SV2C: variants seen among roughly 807,000 people sequenced by gnomAD.
SV2C encodes the protein synaptic vesicle glycoprotein 2C.
SV2C carries 49 observed loss-of-function variants against 79.7 expected under a neutral mutation model. That is an observed-to-expected ratio of 0.61 (90% confidence interval 0.49 to 0.78). SV2C has a LOEUF of 0.78. Ranked by LOEUF, SV2C falls within the 30% of genes least tolerant of loss-of-function variation. The pLI, the probability that SV2C is intolerant of heterozygous loss-of-function variation, is 0.00. For missense variants in SV2C, 833 were observed against 912.9 expected (o/e 0.91, Z 1.13); for synonymous variants, 334 against 333.2 (o/e 1.00, Z -0.03).
intron 4 of SV2C, among the ~76,000 whole-genome samples, chr5:76,240,775 C>A (rs1489637021): frequency 6.6e-6 from 1 of 152,190 alleles, no homozygotes; most frequent in African/African-American, 2.4e-5. Context: ...AACTAAGACA[C>A]CACCTCAAAA....
chr5:76,178,234 T>C (rs1580333127), intron 2 of SV2C, among the ~76,000 whole-genome samples: 1 of 152,346 alleles, frequency 6.6e-6, no homozygotes, highest in East Asian at 1.9e-4. Context: ...CATACACTAT[T>C]CATTCAAGCA....
chr5:76,109,108 G>A (rs1748017740), intron 1 of SV2C, among the ~76,000 whole-genome samples: 2 of 152,206 alleles, frequency 1.3e-5, no homozygotes, highest in African/African-American at 4.8e-5. Context: ...TAATTTCCAA[G>A]CCTTAACTGC....
At chr5:75,858,088 C>G in the SV2C span, among the ~76,000 whole-genome samples, 2 of 152,056 alleles carry the variant, frequency 1.3e-5, no homozygotes, top group African/African-American at 2.4e-5. Context: ...ACGTGGATAC[C>G]CTTTATTTCT....
At chr5:75,957,819 T>G in the SV2C span, among the ~76,000 whole-genome samples, 2 of 152,022 alleles carry the variant, frequency 1.3e-5, no homozygotes, top group African/African-American at 4.8e-5. Context: ...CCCAGCCATC[T>G]CCTCTTAAGT....
chr5:76,011,750 T>C, the SV2C span, among the ~76,000 whole-genome samples: 1 of 152,136 alleles, frequency 6.6e-6, no homozygotes, highest in African/African-American at 2.4e-5. Flanking sequence ...CCTAATGCTA[T>C]CCCTGTCCTA....
intron 2 of SV2C, among the ~76,000 whole-genome samples, chr5:76,147,754 A>G (rs548781729): frequency 6.6e-6 from 1 of 152,196 alleles, no homozygotes; most frequent in South Asian, 2.1e-4. Context: ...AACTTTTTTG[A>G]CAAGATATTT....
chr5:76,241,839 C>A (rs1745794212), intron 4 of SV2C, among the ~76,000 whole-genome samples: 1 of 152,122 alleles, frequency 6.6e-6, no homozygotes, highest in African/African-American at 2.4e-5. Flanking sequence ...TGGAGACATT[C>A]TATTAGCGAC....
chr5:76,119,644 C>T (rs1748412974), intron 1 of SV2C, among the ~76,000 whole-genome samples: 1 of 151,906 alleles, frequency 6.6e-6, no homozygotes, highest in Non-Finnish European at 1.5e-5. Context: ...GACAGAAAAA[C>T]TAATTGAGAA....
rs1365610375 is a variant in SV2C, at chr5:76,327,915, G to T, written c.*2368G>T. ...AGACCTGCCATCCGTGTCCCCTGCA[G>T]AAGGACCGTTCTTGGCCTACTTGTT... is the stretch of plus-strand genomic sequence containing the variant. On this transcript the variant is annotated 3_prime_UTR_variant, in exon 13 of 13. Coordinates refer to ENST00000502798, the MANE Select transcript of SV2C (RefSeq NM_014979.4). 6.6e-6 allele frequency: 1 copy of T among 152,246 alleles called. No homozygotes were observed. 9.4% of individuals were successfully genotyped at this position (152,246 alleles called of 1,614,324 possible).
At chr5:76,133,885 G>A (rs910472428) in intron 2 of SV2C, among the ~76,000 whole-genome samples, 1 of 152,096 alleles carries the variant, frequency 6.6e-6, no homozygotes, top group Non-Finnish European at 1.5e-5. Flanking sequence ...AGCAGAATGT[G>A]TAAAGAAGAT....
chr5:76,078,632 C>A (rs1044631811), upstream of SV2C: 2 of 402,232 alleles, frequency 5.0e-6, no homozygotes, highest in East Asian at 6.1e-5. Flanking sequence ...AGCCACCTAC[C>A]GGAGGCATGG....
chr5:75,932,771 G>A, the SV2C span, among the ~76,000 whole-genome samples: 7 of 152,292 alleles, frequency 4.6e-5, no homozygotes, highest in African/African-American at 1.7e-4. Context: ...CATGATAGCC[G>A]TCATGAGCAT....
At chr5:76,010,895 A>G in the SV2C span, among the ~76,000 whole-genome samples, 1 of 152,182 alleles carries the variant, frequency 6.6e-6, no homozygotes, top group Non-Finnish European at 1.5e-5. Context: ...TGCTAATCTC[A>G]TGAAACACAT....
the SV2C span, among the ~76,000 whole-genome samples, chr5:75,898,077 T>C: frequency 6.6e-6 from 1 of 152,148 alleles, no homozygotes; most frequent in East Asian, 1.9e-4. Context: ...TCCTGCCTAA[T>C]TGCCCTGGCC....
intron 12 of SV2C, among the ~76,000 whole-genome samples, chr5:76,350,714 C>T (rs537734249): frequency 6.6e-6 from 1 of 152,206 alleles, no homozygotes; most frequent in Non-Finnish European, 1.5e-5. Context: ...ACAAATAGAT[C>T]AACAAAATTC....
the SV2C span, among the ~76,000 whole-genome samples, chr5:75,859,847 A>C: frequency 3.3e-5 from 5 of 152,094 alleles, no homozygotes; most frequent in Non-Finnish European, 7.4e-5. Context: ...ACTGCTATAC[A>C]TCTTATTGAA....
intron 4 of SV2C, among the ~76,000 whole-genome samples, chr5:76,241,811 TC>T (rs1246140690): frequency 2.0e-5 from 3 of 152,182 alleles, no homozygotes; most frequent in Admixed American, 6.5e-5. Flanking sequence ...AGGTGTTTTC[TC>T]CACATCAATC....
chr5:76,267,716 G>T (rs998119122), intron 4 of SV2C, among the ~76,000 whole-genome samples: 2 of 152,248 alleles, frequency 1.3e-5, no homozygotes, highest in Non-Finnish European at 2.9e-5. Flanking sequence ...AGTCGGGGAA[G>T]CTCTAAAAGT....
At chr5:75,877,545 A>C in the SV2C span, among the ~76,000 whole-genome samples, 6 of 152,044 alleles carry the variant, frequency 3.9e-5, no homozygotes, top group African/African-American at 1.4e-4. Context: ...TTTAAAAGAA[A>C]CAATACAAAG....
Sources: allele counts gnomAD v4.1 joint callset (sites outside exome capture counted in the v4.1 genomes callset), GRCh38; gene constraint gnomAD v4.1.1; transcripts MANE v1.5; gene names NCBI Gene and HGNC (gene_info 2026-07-23, HGNC 2026-07-21).